Variants in TIAM2 observed in about 807,000 individuals in gnomAD.
The protein encoded by TIAM2 is TIAM Rac1 associated GEF 2, also known as rho guanine nucleotide exchange factor TIAM2.
In TIAM2, 80 loss-of-function variants were observed where a neutral mutation model predicts 152.9. That is an observed-to-expected ratio of 0.52 (90% CI 0.44 to 0.63). The LOEUF is 0.63. TIAM2 is among the 30% of genes least tolerant of loss of function. The probability of loss-of-function intolerance (pLI) is 0.00; values close to 1 mark genes in which losing one functional copy is unlikely to be tolerated. For synonymous variants in TIAM2, 804 were observed against 838.0 expected (o/e 0.96, Z 0.70); for missense variants, 1,965 against 2,120.1 (o/e 0.93, Z 1.44).
At chr6:155,022,895 T>C (rs1354926405) in intron 1 of TIAM2, among the ~76,000 whole-genome samples, 1 of 152,208 alleles carries the variant, frequency 6.6e-6, no homozygotes, top group Non-Finnish European at 1.5e-5. Flanking sequence ...GCTTGTGTCA[T>C]AGCGCTGGGC....
chr6:155,248,331 C>T (rs940189855), intron 20 of TIAM2, 152 bp downstream of exon 20: 9 of 920,532 alleles, frequency 9.8e-6, no homozygotes, highest in African/African-American at 1.7e-5. Context: ...TTAGGTTTCA[C>T]GTGAATATGT....
At chr6:155,134,022 C>T (rs1779502845) in intron 4 of TIAM2, among the ~76,000 whole-genome samples, 1 of 152,124 alleles carries the variant, frequency 6.6e-6, no homozygotes, top group South Asian at 2.1e-4. Context: ...TGAGTTTTTA[C>T]TCTTGAGTCT....
intron 7 of TIAM2, among the ~76,000 whole-genome samples, chr6:155,150,799 A>G (rs1412800208): frequency 6.6e-6 from 1 of 151,976 alleles, no homozygotes; most frequent in Non-Finnish European, 1.5e-5. Context: ...GGAGCGAGGG[A>G]TCTTTCCGGG....
intron 1 of TIAM2, chr6:155,016,400 C>T (rs538827859): frequency 6.6e-6 from 1 of 151,932 alleles, no homozygotes; most frequent in South Asian, 2.1e-4. Flanking sequence ...TTTTGTAGAA[C>T]ATAAAAGGAT....
chr6:155,069,911 C>CT (rs36093906), intron 1 of TIAM2, among the ~76,000 whole-genome samples: 34,576 of 125,454 alleles, frequency 0.28, 4,737 homozygotes, highest in Non-Finnish European at 0.34. Context: ...CATTTCTTTT[C>CT]TTTTTTTTTT....
At chr6:154,996,270 T>G (rs1319411041) in intron 1 of TIAM2, among the ~76,000 whole-genome samples, 1 of 152,222 alleles carries the variant, frequency 6.6e-6, no homozygotes, top group Non-Finnish European at 1.5e-5. Flanking sequence ...TTGATGAGCT[T>G]GCATGCCGTT....
At position 155,006,602 on chromosome 6, in the gene TIAM2, G is replaced by T. The variant is rs141714635; in HGVS notation, c.-209+11110G>T. On this transcript the variant is annotated intron_variant, in intron 1 of 26. Transcript: ENST00000682666. ...AATCTCTTGAACCCTGGAGGCGGAG[G>T]TTGCAGTGAGCTGAGATTGTGCCAT... Among the ~76,000 whole-genome samples, 3 of 150,262 alleles carry T rather than the reference G, an allele frequency of 2.0e-5. No individual in the cohort carries two copies. The East Asian group carries it at 6.0e-4, about 30-fold the overall frequency.
chr6:155,165,260 T>C lies in TIAM2; in HGVS notation c.2215-3T>C. On this transcript the variant is annotated splice_region_variant and splice_polypyrimidine_tract_variant and intron_variant, in intron 8 of 26. Coordinates refer to ENST00000682666, the MANE Select transcript of TIAM2 (RefSeq NM_012454.4). The stretch of plus-strand genomic sequence containing the variant: ...ATTTTTTTTAAACTGTGTTTTACAT[T>C]AGGTATGTTCTAGAGATGACTCTGC... The C allele has an allele frequency of 6.2e-7, 1 of 1,602,286 alleles. No homozygotes were observed. The highest frequency in any genetic ancestry group is 2.2e-5 in the East Asian group (1 of 44,758).
At chr6:155,226,901 G>A (rs1006241012) in intron 15 of TIAM2, among the ~76,000 whole-genome samples, 10 of 152,270 alleles carry the variant, frequency 6.6e-5, no homozygotes, top group East Asian at 1.9e-4. Flanking sequence ...TTTGTTTTGC[G>A]CCCCTGTCTC....
At chr6:155,245,761 T>C in intron 19 of TIAM2, 30 bp downstream of exon 19, 1 of 1,455,832 alleles carries the variant, frequency 6.9e-7, no homozygotes, top group Non-Finnish European at 9.3e-7. Context: ...TATAGTTTTT[T>C]TTTTTTTTTG....
chr6:155,089,786 ATTTG>A (rs1778258526), intron 1 of TIAM2, among the ~76,000 whole-genome samples: 1 of 152,016 alleles, frequency 6.6e-6, no homozygotes, highest in South Asian at 2.1e-4. Flanking sequence ...TATTTTTGTT[ATTTG>A]TTTATTGAAC....
chr6:155,167,023 TG>T (rs1380628735), intron 9 of TIAM2, among the ~76,000 whole-genome samples: 39 of 152,312 alleles, frequency 2.6e-4, no homozygotes, highest in African/African-American at 8.7e-4. Flanking sequence ...TTTTGTGAAT[TG>T]GGTAAGTAAA....
chr6:155,203,529 CAG>C (rs1400543014), intron 14 of TIAM2, among the ~76,000 whole-genome samples: 2 of 152,144 alleles, frequency 1.3e-5, no homozygotes, highest in African/African-American at 4.8e-5. Flanking sequence ...TATTAAATGT[CAG>C]AGACGTGTAA....
chr6:155,009,706 A>G (rs191096022), intron 1 of TIAM2, among the ~76,000 whole-genome samples: 191 of 152,330 alleles, frequency 1.3e-3, no homozygotes, highest in Middle Eastern at 0.01. Flanking sequence ...AAAAGGGATG[A>G]AATGGAAATT....
At chr6:155,166,060 G>A (rs1467695276) in intron 9 of TIAM2, among the ~76,000 whole-genome samples, 2 of 152,176 alleles carry the variant, frequency 1.3e-5, no homozygotes, top group African/African-American at 2.4e-5. Context: ...TGGCAGCTCA[G>A]TTCTGTTGAT....
At position 155,218,675 on chromosome 6, in the gene TIAM2, GT is replaced by G. The variant is rs1324484704; in HGVS notation, c.3168+7372del. On this transcript the variant is annotated intron_variant, in intron 15 of 26. Coordinates refer to ENST00000682666, the MANE Select transcript of TIAM2 (RefSeq NM_012454.4). This position sits in a 1 kb window ranked among gnomAD's most constrained non-coding sequence, Gnocchi z 4.5. Reference sequence around the variant, plus strand: ...CCCATGTATACGTGTGTGTGTGAAGGTTTTCCCTGTTGCTCACCTAATGGCC... The same window carrying G: ...CCCATGTATACGTGTGTGTGTGAAGGTTTCCCTGTTGCTCACCTAATGGCC... Among the ~76,000 whole-genome samples, 1 of 152,176 alleles carries G rather than the reference GT, an allele frequency of 6.6e-6. No individual in the cohort carries two copies. Among genetic ancestry groups the G allele is most frequent in the Admixed American group, 6.5e-5 (1 of 15,280 alleles).
intron 15 of TIAM2, among the ~76,000 whole-genome samples, chr6:155,232,030 G>A (rs539894783): frequency 2.6e-5 from 4 of 152,234 alleles, no homozygotes; most frequent in Non-Finnish European, 5.9e-5. Context: ...GCACTGAGCC[G>A]AGATCGTGCC....
At chr6:155,124,138 C>T (rs1378434120) in intron 2 of TIAM2, among the ~76,000 whole-genome samples, 2 of 152,056 alleles carry the variant, frequency 1.3e-5, no homozygotes, top group African/African-American at 4.8e-5. Flanking sequence ...CCCACCTCAG[C>T]CTCCCAAGTA....
At chr6:155,083,294 AGCCAAGATCGT>A (rs1337563227) in intron 1 of TIAM2, among the ~76,000 whole-genome samples, 1 of 149,104 alleles carries the variant, frequency 6.7e-6, no homozygotes, top group Non-Finnish European at 1.5e-5. Flanking sequence ...GGTTACAGTG[AGCCAAGATCGT>A]GCCAGTGCAC....
Sources: gnomAD v4.1 joint callset for allele counts (sites outside exome capture counted in the v4.1 genomes callset) on GRCh38, gnomAD v4.1.1 for gene constraint, Gnocchi (gnomAD v3.1) non-coding constraint, MANE v1.5 for transcripts, NCBI Gene and HGNC (gene_info 2026-07-23, HGNC 2026-07-21) for gene names.